Variants in UGT1A5 observed in about 807,000 individuals in gnomAD.
The protein encoded by UGT1A5 is UDP glucuronosyltransferase family 1 member A5.
UGT1A5 carries 29 observed loss-of-function variants against 40.3 expected under a neutral mutation model. The ratio of observed to expected loss-of-function variants is 0.72; its 90% CI spans 0.54 to 0.98. UGT1A5 has a LOEUF of 0.98. Ranked by LOEUF, UGT1A5 falls within the 50% of genes least tolerant of loss-of-function variation. The pLI is 0.00. For missense variants in UGT1A5, 678 were observed against 677.9 expected (o/e 1.00, Z 0.00); for synonymous variants, 257 against 262.5 (o/e 0.98, Z 0.20).
Position 233,772,848 on chromosome 2 carries a change from A to T in UGT1A5, c.*289A>T. 1.3e-6 allele frequency: 1 copy of T among 775,120 alleles called. No homozygotes were observed. Among genetic ancestry groups the T allele is most frequent in the Non-Finnish European group, 1.8e-6 (1 of 542,660 alleles). The allele number at this position is 775,120 out of a possible 1,614,324, so 48.0% of individuals were successfully genotyped here. ...GCTGGCATTCTAGATTACTTTTCTT[A>T]CTCTGAAACATGGCCTGTTTGGGAG... On this transcript the variant is annotated 3_prime_UTR_variant, in exon 5 of 5. Coordinates refer to ENST00000373414, the MANE Select transcript of UGT1A5 (RefSeq NM_019078.2).
rs1224727482 is a variant in UGT1A5, at chr2:233,769,496, T to C, written c.1307+1057T>C. 1 of 1,612,570 alleles carries C rather than the reference T, an allele frequency of 6.2e-7. No homozygotes were observed. The highest frequency in any genetic ancestry group is 8.5e-7 in the Non-Finnish European group (1 of 1,179,780). Reference sequence around the variant, plus strand: ...GTGTGTGTGCGTGTGTTTATGAGAGTGTCCATTGCTTTCTCCCATGGTTAC... The same window carrying C: ...GTGTGTGTGCGTGTGTTTATGAGAGCGTCCATTGCTTTCTCCCATGGTTAC... On this transcript the variant is annotated intron_variant, in intron 4 of 4. Coordinates refer to ENST00000373414, the MANE Select transcript of UGT1A5 (RefSeq NM_019078.2). The surrounding 1 kb of genome is among the most constrained non-coding windows in gnomAD (Gnocchi z 4.4).
At chr2:233,754,435 GTTT>G (rs1438333697) in intron 1 of UGT1A5, 18 of 350,500 alleles carry the variant, frequency 5.1e-5, no homozygotes, top group Non-Finnish European at 5.6e-6. Context: ...GGCATAAAGT[GTTT>G]ATAAATTCTT....
chr2:233,749,281 T>G (rs1294493695), intron 1 of UGT1A5, among the ~76,000 whole-genome samples: 1 of 151,972 alleles, frequency 6.6e-6, no homozygotes, highest in African/African-American at 2.4e-5. Context: ...CCTTATGCAG[T>G]GTAGTTATTC....
At chr2:233,767,195 T>C (rs1699333145) in intron 2 of UGT1A5, 30 bp downstream of exon 2, 10 of 1,613,760 alleles carry the variant, frequency 6.2e-6, no homozygotes, top group Non-Finnish European at 6.8e-6. Context: ...TGGCCTCATA[T>C]CTATTTTCAC....
rs150837733 is a variant in UGT1A5, at chr2:233,735,056, T to A, written c.867+21198T>A. ...TGCTTGGTGCAGAGCTGAGTTCAGG[T>A]CCTGGATATCCTTGTTAACCTTTGG... On this transcript the variant is annotated intron_variant, in intron 1 of 4. Coordinates refer to ENST00000373414, the MANE Select transcript of UGT1A5 (RefSeq NM_019078.2). 1.8e-3 allele frequency among the ~76,000 whole-genome samples: 281 copies of A among 152,326 alleles called. 3 individuals are homozygous for A. Among genetic ancestry groups the A allele is most frequent in the East Asian group, 0.013 (69 of 5,186 alleles).
At chr2:233,719,152 C>A in intron 1 of UGT1A5, 1 of 1,614,260 alleles carries the variant, frequency 6.2e-7, no homozygotes. Flanking sequence ...AAGAGATATT[C>A]TAGAAGTATG....
chr2:233,718,869 C>T (rs1369983099), intron 1 of UGT1A5: 2 of 1,613,908 alleles, frequency 1.2e-6, no homozygotes, highest in Non-Finnish European at 1.7e-6. Flanking sequence ...CACAGGACTG[C>T]TGCTCCTCCT....
At chr2:233,728,805 A>G (rs2077752028) in intron 1 of UGT1A5, among the ~76,000 whole-genome samples, 1 of 152,166 alleles carries the variant, frequency 6.6e-6, no homozygotes, top group Non-Finnish European at 1.5e-5. Context: ...GAAGTAGGAG[A>G]CAGTGACATG....
intron 1 of UGT1A5, among the ~76,000 whole-genome samples, chr2:233,742,122 G>T (rs1282494456): frequency 6.6e-6 from 1 of 151,802 alleles, no homozygotes; most frequent in African/African-American, 2.4e-5. Flanking sequence ...GCTTGGTCGT[G>T]GAGACCCTAA....
chr2:233,751,021 C>G (rs74787288), intron 1 of UGT1A5, among the ~76,000 whole-genome samples: 5,661 of 151,884 alleles, frequency 0.037, 155 homozygotes, highest in Non-Finnish European at 0.057. Flanking sequence ...AATAGTAGAT[C>G]CAATAGCTTG....
Position 233,760,623 on chromosome 2 carries a change from A to G in UGT1A5, c.868-6411A>G, listed in dbSNP as rs181505697. ...CTTTCCTGCAGCGTGTGATCAAAAC[A>G]TACAAGAAAATAAAAAAGGACTCTG... On this transcript the variant is annotated intron_variant, in intron 1 of 4. Transcript: ENST00000373414. 5 of 1,614,198 alleles carry G rather than the reference A, an allele frequency of 3.1e-6. No homozygotes were observed. In the African/African-American group the frequency reaches 6.7e-5, roughly 22 times the overall value.
chr2:233,754,969 T>G (rs1369050195), intron 1 of UGT1A5: 1 of 1,302,528 alleles, frequency 7.7e-7, no homozygotes, highest in East Asian at 4.6e-5. Flanking sequence ...AAGAACTCCC[T>G]GAAGACCTCG....
intron 1 of UGT1A5, among the ~76,000 whole-genome samples, chr2:233,731,096 C>A (rs1335372284): frequency 6.6e-6 from 1 of 151,962 alleles, no homozygotes; most frequent in African/African-American, 2.4e-5. Flanking sequence ...TATTTCTGTG[C>A]CTTTTTTATA....
intron 1 of UGT1A5, chr2:233,721,833 A>G (rs1417252749): frequency 1.9e-6 from 1 of 515,974 alleles, no homozygotes; most frequent in African/African-American, 1.9e-5. Flanking sequence ...TGGGCCACCG[A>G]CCTTGTGTCC....
intron 1 of UGT1A5, among the ~76,000 whole-genome samples, chr2:233,730,937 T>C (rs2125759444): frequency 6.6e-6 from 1 of 152,268 alleles, no homozygotes; most frequent in Admixed American, 6.5e-5. Flanking sequence ...TAATCCAGAA[T>C]ATTTGGGTTT....
rs201968211 is a variant in UGT1A5 at position 233,718,966 on chromosome 2, G to A, written c.867+5108G>A. 301 of 1,614,070 alleles carry A rather than the reference G, an allele frequency of 1.9e-4. 1 individual carries two copies. The highest frequency in any genetic ancestry group is 1.6e-4 in the Middle Eastern group (1 of 6,072). On this transcript the variant is annotated intron_variant, in intron 1 of 4. Transcript: ENST00000373414. ...TGGCTCAGCATGCGGGAGGCCTTGC[G>A]GGAGCTCCATGCCAGAGGCCACCAG...
chr2:233,762,063 T>A (rs1697956062), intron 1 of UGT1A5, among the ~76,000 whole-genome samples: 1 of 152,180 alleles, frequency 6.6e-6, no homozygotes, highest in Non-Finnish European at 1.5e-5. Flanking sequence ...TCATAGCACA[T>A]CAAATATGGC....
At position 233,729,598 on chromosome 2, in the gene UGT1A5, G is replaced by A. The variant is rs775320084; in HGVS notation, c.867+15740G>A. The A allele has an allele frequency of 6.8e-5, 109 of 1,613,866 alleles. No homozygotes were observed. Among genetic ancestry groups the A allele is most frequent in the East Asian group, 3.1e-4 (14 of 44,894 alleles). ...TTTAACAGACCCCGTTAACCTCTGC[G>A]CGGCAGTGCTGGCTAAGTACCTGTC... On this transcript the variant is annotated intron_variant, in intron 1 of 4. Transcript: ENST00000373414.
intron 3 of UGT1A5, 52 bp downstream of exon 3, chr2:233,767,988 A>G (rs1699538477): frequency 6.2e-7 from 1 of 1,614,042 alleles, no homozygotes; most frequent in Admixed American, 1.7e-5. Flanking sequence ...AATTAAGAAA[A>G]TGGCTTAAGC....
Sources: allele counts gnomAD v4.1 joint callset (sites outside exome capture counted in the v4.1 genomes callset), GRCh38; gene constraint gnomAD v4.1.1; non-coding constraint Gnocchi (gnomAD v3.1); transcripts MANE v1.5; gene names NCBI Gene and HGNC (gene_info 2026-07-23, HGNC 2026-07-21).